PPP1R1C: variants seen among roughly 807,000 people sequenced by gnomAD.
PPP1R1C encodes the protein protein phosphatase 1 regulatory subunit 1C.
A neutral mutation model predicts 17.4 loss-of-function variants in PPP1R1C; 15 were observed. That is an observed-to-expected ratio of 0.86 (90% CI 0.58 to 1.33). The LOEUF (loss-of-function observed/expected upper bound fraction) is 1.33, where lower values mean the gene tolerates loss of function less well. Among genes scored for constraint, PPP1R1C ranks in the 40% most tolerant of loss-of-function variants. The pLI, the probability that PPP1R1C is intolerant of heterozygous loss-of-function variation, is 0.00. For missense variants in PPP1R1C, 143 were observed against 130.0 expected (o/e 1.10, Z -0.48); for synonymous variants, 35 against 43.1 (o/e 0.81, Z 0.73).
chr2:182,092,152 A>C (rs549451228), intron 4 of PPP1R1C, among the ~76,000 whole-genome samples: 1 of 152,104 alleles, frequency 6.6e-6, no homozygotes, highest in Non-Finnish European at 1.5e-5. Flanking sequence ...CAGGCAATTT[A>C]CAAAAGAAAG....
intron 4 of PPP1R1C, among the ~76,000 whole-genome samples, chr2:182,077,550 T>G (rs543528468): frequency 6.6e-6 from 1 of 152,276 alleles, no homozygotes; most frequent in South Asian, 2.1e-4. Context: ...TCTTCTGATC[T>G]CTGAGATAAA....
chr2:182,083,954 A>G (rs1688553853), intron 4 of PPP1R1C, among the ~76,000 whole-genome samples: 1 of 152,152 alleles, frequency 6.6e-6, no homozygotes, highest in Non-Finnish European at 1.5e-5. Context: ...AATAATTACC[A>G]TTCTGGCTGG....
intron 2 of PPP1R1C, among the ~76,000 whole-genome samples, chr2:182,029,577 G>A (rs1260264552): frequency 7.0e-6 from 1 of 142,134 alleles, no homozygotes; most frequent in Admixed American, 7.0e-5. Flanking sequence ...TCTGCTGAGA[G>A]ATCCGCTGTT....
intron 2 of PPP1R1C, among the ~76,000 whole-genome samples, chr2:182,058,102 C>T (rs1219487303): frequency 6.6e-6 from 1 of 151,922 alleles, no homozygotes; most frequent in Non-Finnish European, 1.5e-5. Flanking sequence ...AACTGAAACC[C>T]ATAGTTTATT....
At chr2:182,049,028 C>G (rs1687427381) in intron 2 of PPP1R1C, 1 of 152,140 alleles carries the variant, frequency 6.6e-6, no homozygotes, top group South Asian at 2.1e-4. Flanking sequence ...CACCGATGTC[C>G]TTATGATTAA....
In PPP1R1C at chr2:181,985,983, T is replaced by A. The variant is rs537585523; in HGVS notation, c.-128T>A. Reference sequence around the variant, plus strand: ...GCATCTTCACTTGCTCGATCTGGAATTACAGCTATTTATTACGAAGCACTC... The same window carrying A: ...GCATCTTCACTTGCTCGATCTGGAAATACAGCTATTTATTACGAAGCACTC... On this transcript the variant is annotated 5_prime_UTR_variant, in exon 1 of 5. Transcript: ENST00000682840. This position sits in a 1 kb window ranked among gnomAD's most constrained non-coding sequence, Gnocchi z 4.1. 166 of 732,974 alleles carry A rather than the reference T, an allele frequency of 2.3e-4. 3 individuals are homozygous for A. The South Asian group carries it at 2.6e-3, about 12-fold the overall frequency. 45.4% of individuals were successfully genotyped at this position (732,974 alleles called of 1,614,324 possible).
intron 2 of PPP1R1C, among the ~76,000 whole-genome samples, chr2:182,015,850 A>G (rs1293530302): frequency 6.6e-6 from 1 of 152,130 alleles, no homozygotes; most frequent in East Asian, 1.9e-4. Flanking sequence ...TCTCTCCCAG[A>G]GCTGCGAGCT....
intron 2 of PPP1R1C, among the ~76,000 whole-genome samples, chr2:181,995,618 A>T (rs1226562981): frequency 6.6e-6 from 1 of 152,250 alleles, no homozygotes; most frequent in East Asian, 1.9e-4. Flanking sequence ...GATAGAAAAA[A>T]TTACTAACAG....
At chr2:182,074,695 C>G (rs1383816565) in intron 4 of PPP1R1C, among the ~76,000 whole-genome samples, 2 of 152,108 alleles carry the variant, frequency 1.3e-5, no homozygotes, top group African/African-American at 4.8e-5. Flanking sequence ...CAAAAAGGAG[C>G]CTGATCTGCA....
At chr2:182,012,888 G>A (rs980185208) in intron 2 of PPP1R1C, among the ~76,000 whole-genome samples, 5 of 152,022 alleles carry the variant, frequency 3.3e-5, no homozygotes, top group Admixed American at 2.0e-4. Flanking sequence ...CAGGCAAAGA[G>A]AAAACTAATA....
At chr2:182,065,956 A>G (rs1354215952) in intron 4 of PPP1R1C, among the ~76,000 whole-genome samples, 5 of 152,130 alleles carry the variant, frequency 3.3e-5, no homozygotes, top group Admixed American at 6.6e-5. Context: ...AATAAGCTCC[A>G]CTTTGCCTGT....
chr2:182,056,042 G>C (rs1265314338), intron 2 of PPP1R1C, among the ~76,000 whole-genome samples: 1 of 152,134 alleles, frequency 6.6e-6, no homozygotes, highest in East Asian at 1.9e-4. Context: ...TCCTAATTGG[G>C]ACATCAAGGA....
chr2:181,977,132 TAAAAAAAAAAAAAAAAA>T (rs67129466), intron 2 of PPP1R1C, among the ~76,000 whole-genome samples: 461 of 19,802 alleles, frequency 0.023, 1 homozygote, highest in Non-Finnish European at 0.044. Context: ...AGAATCTATC[TAAAAAAAAAAAAAAAAA>T]AAAAAAAAAA....
At chr2:182,077,904 G>T (rs1688361338) in intron 4 of PPP1R1C, among the ~76,000 whole-genome samples, 1 of 152,224 alleles carries the variant, frequency 6.6e-6, no homozygotes, top group South Asian at 2.1e-4. Flanking sequence ...ACCCTTGCCG[G>T]GCGTGGTGGC....
intron 2 of PPP1R1C, among the ~76,000 whole-genome samples, chr2:181,999,410 T>C (rs1685697936): frequency 6.6e-6 from 1 of 152,182 alleles, no homozygotes; most frequent in Admixed American, 6.5e-5. Flanking sequence ...ATGGGTGAGC[T>C]GTTCAAGGTC....
downstream of PPP1R1C, among the ~76,000 whole-genome samples, chr2:182,120,292 G>A (rs891714504): frequency 1.3e-5 from 2 of 152,148 alleles, no homozygotes; most frequent in Non-Finnish European, 2.9e-5. Flanking sequence ...GTACCATGCT[G>A]TTTTGGTTAC....
At chr2:181,980,576 A>G (rs1685173971) in intron 2 of PPP1R1C, among the ~76,000 whole-genome samples, 1 of 152,198 alleles carries the variant, frequency 6.6e-6, no homozygotes, top group South Asian at 2.1e-4. Flanking sequence ...CCTCGGCTCT[A>G]CAAATCTCTG....
At chr2:181,954,599 G>A (rs1684640191) in exon 1 of PPP1R1C, 2 of 152,122 alleles carry the variant, frequency 1.3e-5, no homozygotes, top group African/African-American at 4.8e-5. Flanking sequence ...CTGATCAAGA[G>A]TTAAGAGACG....
chr2:182,119,615 G>A (rs1473827267), downstream of PPP1R1C, among the ~76,000 whole-genome samples: 1 of 152,108 alleles, frequency 6.6e-6, no homozygotes, highest in Non-Finnish European at 1.5e-5. Flanking sequence ...GTGTGAGATG[G>A]TATCTCATTG....
Sources: gnomAD v4.1 joint callset for allele counts (sites outside exome capture counted in the v4.1 genomes callset) on GRCh38, gnomAD v4.1.1 for gene constraint, Gnocchi (gnomAD v3.1) non-coding constraint, MANE v1.5 for transcripts, NCBI Gene and HGNC (gene_info 2026-07-23, HGNC 2026-07-21) for gene names.